CSMD1: variants seen among roughly 807,000 people sequenced by gnomAD.
CSMD1 encodes CUB and sushi domain-containing protein 1.
In CSMD1, 213 loss-of-function variants were observed where a neutral mutation model predicts 417.5. The observed-to-expected ratio is 0.51, with a 90% CI of 0.46 to 0.57. CSMD1 has a LOEUF of 0.57. CSMD1 is among the 20% of genes least tolerant of loss of function. The probability of loss-of-function intolerance (pLI) is 0.00; values close to 1 mark genes in which losing one functional copy is unlikely to be tolerated. For synonymous variants in CSMD1, 2,862 were observed against 1,736.8 expected, an observed-to-expected ratio of 1.65 and a Z score of -16.11; for missense variants, 6,923 against 4,529.7, an observed-to-expected ratio of 1.53 and a Z score of -15.17.
intron 5 of CSMD1, among the ~76,000 whole-genome samples, chr8:3,958,532 T>C (rs1397686643): frequency 6.6e-6 from 1 of 152,190 alleles, no homozygotes; most frequent in South Asian, 2.1e-4. Context: ...CTGGGTTTAG[T>C]TCTATTATTC....
chr8:4,712,589 C>A lies in CSMD1; in HGVS notation c.86-75031G>T, dbSNP rs142194952. 5.9e-5 allele frequency among the ~76,000 whole-genome samples: 9 copies of A among 152,298 alleles called. No individual in the cohort carries two copies. The East Asian group carries it at 7.7e-4, about 13-fold the overall frequency. The stretch of plus-strand genomic sequence containing the variant: ...AACAGAAAGAAGGGGCTTTAGAATA[C>A]TGAAGATATTTAAGATCTAGGATTT... On this transcript the variant is annotated intron_variant, in intron 1 of 69. Transcript: ENST00000635120.
chr8:4,565,377 T>C (rs77230700), intron 2 of CSMD1, among the ~76,000 whole-genome samples: 1 of 152,188 alleles, frequency 6.6e-6, no homozygotes, highest in African/African-American at 2.4e-5. Context: ...AGCTGTGGTA[T>C]GCCCACACTT....
intron 2 of CSMD1, among the ~76,000 whole-genome samples, chr8:4,435,349 C>A (rs559155086): frequency 2.6e-5 from 4 of 152,014 alleles, no homozygotes; most frequent in Non-Finnish European, 4.4e-5. Flanking sequence ...GTTTTGAGGC[C>A]TTATTTAATT....
intron 3 of CSMD1, among the ~76,000 whole-genome samples, chr8:4,123,476 G>A (rs1044697383): frequency 6.6e-6 from 1 of 152,166 alleles, no homozygotes; most frequent in African/African-American, 2.4e-5. Flanking sequence ...GGGTAAATCA[G>A]TGCAGTTGAA....
chr8:4,956,240 ACTCG>A (rs1189331097), intron 1 of CSMD1, among the ~76,000 whole-genome samples: 7 of 138,154 alleles, frequency 5.1e-5, no homozygotes, highest in Non-Finnish European at 9.6e-5. Flanking sequence ...AGCCCTCCTT[ACTCG>A]CTATTTTTTT....
intron 1 of CSMD1, among the ~76,000 whole-genome samples, chr8:4,735,980 G>A (rs1189621131): frequency 3.3e-5 from 5 of 152,118 alleles, no homozygotes; most frequent in African/African-American, 7.2e-5. Flanking sequence ...CCTGAACTGA[G>A]TTCATAGCTT....
intron 3 of CSMD1, among the ~76,000 whole-genome samples, chr8:4,249,361 G>T (rs538638280): frequency 6.6e-6 from 1 of 152,172 alleles, no homozygotes; most frequent in Non-Finnish European, 1.5e-5. Flanking sequence ...TTCAGTCTAC[G>T]GATGTTTCAT....
intron 1 of CSMD1, among the ~76,000 whole-genome samples, chr8:4,902,786 A>T (rs544514373): frequency 6.6e-6 from 1 of 152,016 alleles, no homozygotes; most frequent in Admixed American, 6.6e-5. Flanking sequence ...GGCAGTAAAC[A>T]CAGTTACCAG....
intron 1 of CSMD1, among the ~76,000 whole-genome samples, chr8:4,897,017 T>C (rs1804540467): frequency 6.6e-6 from 1 of 152,138 alleles, no homozygotes; most frequent in Non-Finnish European, 1.5e-5. Context: ...ACTTCTCTTT[T>C]CCCATGACAG....
At chr8:3,801,450 G>T (rs760954635) in intron 5 of CSMD1, among the ~76,000 whole-genome samples, 1 of 152,092 alleles carries the variant, frequency 6.6e-6, no homozygotes. Context: ...CACTAGAAGG[G>T]CTATCACTGG....
intron 7 of CSMD1, among the ~76,000 whole-genome samples, chr8:3,688,826 G>C (rs1303222451): frequency 2.6e-5 from 4 of 151,948 alleles, no homozygotes; most frequent in African/African-American, 9.7e-5. Context: ...GTGTAATAGT[G>C]GTTAATTAAC....
At chr8:3,165,433 T>C (rs1820146275) in intron 37 of CSMD1, among the ~76,000 whole-genome samples, 1 of 151,914 alleles carries the variant, frequency 6.6e-6, no homozygotes, top group South Asian at 2.1e-4. Flanking sequence ...TATTTATTTA[T>C]TTTTTTATTT....
chr8:4,022,786 A>T (rs571173817), intron 4 of CSMD1, among the ~76,000 whole-genome samples: 12 of 152,346 alleles, frequency 7.9e-5, no homozygotes, highest in African/African-American at 2.9e-4. Context: ...TGTATTCCAC[A>T]TATTAAGCAA....
chr8:3,450,713 A>G (rs942148305), intron 12 of CSMD1, among the ~76,000 whole-genome samples: 21 of 152,054 alleles, frequency 1.4e-4, no homozygotes, highest in Middle Eastern at 3.4e-3. Flanking sequence ...CCAGTCTATC[A>G]TTGTTGGACA....
At chr8:4,281,866 A>G (rs1585152410) in intron 3 of CSMD1, among the ~76,000 whole-genome samples, 1 of 152,232 alleles carries the variant, frequency 6.6e-6, no homozygotes, top group African/African-American at 2.4e-5. Flanking sequence ...TGCATTAAAA[A>G]AATGTTTTGC....
intron 2 of CSMD1, among the ~76,000 whole-genome samples, chr8:4,443,911 CTCA>C (rs776459498): frequency 5.5e-4 from 84 of 152,180 alleles, no homozygotes; most frequent in Non-Finnish European, 7.6e-4. Flanking sequence ...TACAGGAGTC[CTCA>C]TAAGAAATGC....
intron 1 of CSMD1, among the ~76,000 whole-genome samples, chr8:4,701,851 A>C (rs1236240079): frequency 2.6e-5 from 4 of 152,336 alleles, no homozygotes; most frequent in Non-Finnish European, 5.9e-5. Flanking sequence ...CAACTCCATT[A>C]AGAATCAACA....
intron 3 of CSMD1, among the ~76,000 whole-genome samples, chr8:4,301,159 G>A (rs1056136231): frequency 1.3e-5 from 2 of 152,132 alleles, no homozygotes; most frequent in Admixed American, 1.3e-4. Flanking sequence ...TTGTTGTGAT[G>A]GAAAAGAACG....
At chr8:3,853,258 G>C (rs373840832) in intron 5 of CSMD1, among the ~76,000 whole-genome samples, 128 of 152,286 alleles carry the variant, frequency 8.4e-4, no homozygotes, top group African/African-American at 3.0e-3. Flanking sequence ...CTGAGGCTCA[G>C]GAGAAAGCTG....
Sources: gnomAD v4.1 joint callset for allele counts (sites outside exome capture counted in the v4.1 genomes callset) on GRCh38, gnomAD v4.1.1 for gene constraint, MANE v1.5 for transcripts, NCBI Gene and HGNC (gene_info 2026-07-23, HGNC 2026-07-21) for gene names.